Variants in GFRA1 observed in about 807,000 individuals in gnomAD.
The protein encoded by GFRA1 is GDNF family receptor alpha-1.
In GFRA1, 16 loss-of-function variants were observed where a neutral mutation model predicts 51.6. The ratio of observed to expected loss-of-function variants is 0.31; its 90% confidence interval spans 0.21 to 0.47. GFRA1 has a LOEUF of 0.47. Ranked by LOEUF, GFRA1 falls within the 20% of genes least tolerant of loss-of-function variation. The probability of loss-of-function intolerance (pLI) is 1.00; values close to 1 mark genes in which losing one functional copy is unlikely to be tolerated. For synonymous variants in GFRA1, 270 were observed against 241.3 expected (o/e 1.12, Z -1.10); for missense variants, 530 against 594.3 (o/e 0.89, Z 1.13).
chr10:116,091,422 G>A (rs185205494), intron 8 of GFRA1, among the ~76,000 whole-genome samples: 40 of 152,252 alleles, frequency 2.6e-4, no homozygotes, highest in Admixed American at 2.0e-3. Context: ...GCAAGGGAGC[G>A]CCAGAGGCAT....
chr10:116,172,550 T>C (rs1274988607), intron 5 of GFRA1, among the ~76,000 whole-genome samples: 2 of 152,168 alleles, frequency 1.3e-5, no homozygotes, highest in Admixed American at 6.5e-5. Context: ...CTTGAGTCCC[T>C]TCTTGAAGGA....
At chr10:116,181,638 G>GT (rs1311021406) in intron 5 of GFRA1, among the ~76,000 whole-genome samples, 16 of 149,992 alleles carry the variant, frequency 1.1e-4, no homozygotes, top group Non-Finnish European at 1.3e-4. Flanking sequence ...TTTTTTTGTT[G>GT]TTTTTTTGTT....
intron 4 of GFRA1, among the ~76,000 whole-genome samples, chr10:116,243,883 T>C (rs1207661131): frequency 6.6e-6 from 1 of 152,112 alleles, no homozygotes; most frequent in Non-Finnish European, 1.5e-5. Context: ...CTCTGCTCAC[T>C]GGCCTGGGGA....
At chr10:116,268,015 T>A (rs529814867) in intron 4 of GFRA1, among the ~76,000 whole-genome samples, 6 of 151,602 alleles carry the variant, frequency 4.0e-5, no homozygotes, top group African/African-American at 1.5e-4. Context: ...TGTAGAGAAA[T>A]GCTTCTCAAG....
Position 116,272,728 on chromosome 10 carries a change from C to A in GFRA1, c.-247+435G>T, listed in dbSNP as rs1411390193. 2 of 152,664 alleles carry A rather than the reference C, an allele frequency of 1.3e-5. No homozygotes were observed. The allele number at this position is 152,664 out of a possible 1,614,324, so 9.5% of individuals were successfully genotyped here. A position where few individuals can be genotyped will look rare whatever the true frequency, so the allele number is the denominator to read the frequency against. On this transcript the variant is annotated intron_variant, in intron 1 of 10. Transcript: ENST00000355422. The surrounding 1 kb of genome is among the most constrained non-coding windows in gnomAD (Gnocchi z 4.4). ...GAGCTCGCTCAGCCGCCGGCCCTCC[C>A]CACTCCGATCGCCAATCCCTAGCCC...
intron 5 of GFRA1, among the ~76,000 whole-genome samples, chr10:116,148,950 GT>G (rs1182680422): frequency 6.6e-6 from 1 of 152,114 alleles, no homozygotes; most frequent in Non-Finnish European, 1.5e-5. Context: ...AAAAGAAATT[GT>G]TTTAATAACA....
At chr10:116,199,718 T>C (rs1220973069) in intron 5 of GFRA1, among the ~76,000 whole-genome samples, 1 of 152,252 alleles carries the variant, frequency 6.6e-6, no homozygotes, top group Non-Finnish European at 1.5e-5. Flanking sequence ...GTTTCATTTT[T>C]TTTCCTTTTA....
At chr10:116,116,514 A>C (rs1329607932) in intron 6 of GFRA1, among the ~76,000 whole-genome samples, 1 of 152,198 alleles carries the variant, frequency 6.6e-6, no homozygotes, top group East Asian at 1.9e-4. Flanking sequence ...GGAGTTAAGG[A>C]ATCCAAATCA....
Position 116,195,492 on chromosome 10 carries a change from G to A in GFRA1, c.433+16139C>T, listed in dbSNP as rs1396630231. Among the ~76,000 whole-genome samples, 4 of 152,198 alleles carry A rather than the reference G, an allele frequency of 2.6e-5. No individual in the cohort carries two copies. In the East Asian group the frequency reaches 7.7e-4, roughly 29 times the overall value. Reference sequence around the variant, plus strand: ...TAATCAGACAATTCTCATAAGGAGTGTGCAACCTAGATTCCTCACATGTGC... The same window carrying A: ...TAATCAGACAATTCTCATAAGGAGTATGCAACCTAGATTCCTCACATGTGC... On this transcript the variant is annotated intron_variant, in intron 5 of 10. Transcript: ENST00000355422.
chr10:116,076,636 G>A (rs73363882), intron 9 of GFRA1, among the ~76,000 whole-genome samples: 2,964 of 152,232 alleles, frequency 0.019, 93 homozygotes, highest in African/African-American at 0.065. Flanking sequence ...CACCTCAGAG[G>A]GGAAACAGCC....
chr10:116,124,569 A>C (rs188597820), intron 6 of GFRA1, among the ~76,000 whole-genome samples: 1 of 152,104 alleles, frequency 6.6e-6, no homozygotes, highest in Non-Finnish European at 1.5e-5. Context: ...GTATTCATGG[A>C]CTCCTTCAGA....
rs1589808511 is a variant in GFRA1 at position 116,125,678 on chromosome 10, G to A, written c.434-121C>T. On this transcript the variant is annotated intron_variant, in intron 5 of 10. Transcript: ENST00000355422. ...TGCCAGCGGCTCTAGAACTTAATGA[G>A]TTTTGAAGCTAATAACTTAATGACT... 1.7e-5 allele frequency: 13 copies of A among 774,118 alleles called. No homozygotes were observed. The East Asian group carries it at 3.5e-4, about 21-fold the overall frequency. 48.0% of individuals were successfully genotyped at this position (774,118 alleles called of 1,614,324 possible). A position where few individuals can be genotyped will look rare whatever the true frequency, so the allele number is the denominator to read the frequency against.
At chr10:116,075,895 C>T (rs568224631) in intron 9 of GFRA1, among the ~76,000 whole-genome samples, 1 of 152,200 alleles carries the variant, frequency 6.6e-6, no homozygotes, top group South Asian at 2.1e-4. Context: ...CAGGTGCCCA[C>T]CACTGTGCCC....
In GFRA1 at chr10:116,110,384, GC is replaced by G. The variant is rs1957161172; in HGVS notation, c.771-13621del. Among the ~76,000 whole-genome samples the G allele has an allele frequency of 2.0e-5, 3 of 152,234 alleles. No individual in the cohort carries two copies. In the South Asian group the frequency reaches 6.2e-4, roughly 32 times the overall value. ...ACTGAGATGCAGAGAGAAGAAACAC[GC>G]CTGCAGGGCAGCTGGGGTTTAGTCT... On this transcript the variant is annotated intron_variant, in intron 6 of 10. Coordinates refer to ENST00000355422, the MANE Select transcript of GFRA1 (RefSeq NM_005264.8).
intron 9 of GFRA1, among the ~76,000 whole-genome samples, chr10:116,075,865 C>T (rs1955596901): frequency 6.6e-6 from 1 of 152,148 alleles, no homozygotes; most frequent in African/African-American, 2.4e-5. Flanking sequence ...CTGCCTCAGC[C>T]TCCCAAGTAG....
rs75315727 is a variant in GFRA1 at position 116,091,672 on chromosome 10, T to C, written c.1016-1750A>G. Reference sequence around the variant, plus strand: ...CATGAAAGGAGAATCTGGGAGAGGTTTGGCTTAATCTGAACGGAGCAGAAT... The same window carrying C: ...CATGAAAGGAGAATCTGGGAGAGGTCTGGCTTAATCTGAACGGAGCAGAAT... On this transcript the variant is annotated intron_variant, in intron 8 of 10. Coordinates refer to ENST00000355422, the MANE Select transcript of GFRA1 (RefSeq NM_005264.8). Among the ~76,000 whole-genome samples the C allele has an allele frequency of 5.3e-4, 81 of 152,324 alleles. No individual in the cohort carries two copies. The East Asian group carries it at 0.011, about 21-fold the overall frequency.
chr10:116,237,235 T>C (rs1305849837), intron 4 of GFRA1, among the ~76,000 whole-genome samples: 1 of 152,158 alleles, frequency 6.6e-6, no homozygotes, highest in African/African-American at 2.4e-5. Flanking sequence ...ATCTTGAAGG[T>C]CTTTACATAG....
At chr10:116,089,425 C>T (rs1956235257) in intron 9 of GFRA1, among the ~76,000 whole-genome samples, 1 of 152,112 alleles carries the variant, frequency 6.6e-6, no homozygotes, top group Non-Finnish European at 1.5e-5. Flanking sequence ...GTAACCAAGC[C>T]AACTTGACAA....
At position 116,122,516 on chromosome 10, in the gene GFRA1, C is replaced by T. The variant is rs574770699; in HGVS notation, c.770+2705G>A. Among the ~76,000 whole-genome samples, 53 of 152,286 alleles carry T rather than the reference C, an allele frequency of 3.5e-4. No individual in the cohort carries two copies. The South Asian group carries it at 5.0e-3, about 14-fold the overall frequency. On this transcript the variant is annotated intron_variant, in intron 6 of 10. Coordinates refer to ENST00000355422, the MANE Select transcript of GFRA1 (RefSeq NM_005264.8). ...TATCTGCAGGTTCCTCCCATCGCCTCCCCCAGAGCCCTCTAAGTTCTCAAC... is the reference window on the plus strand; with the variant it reads ...TATCTGCAGGTTCCTCCCATCGCCTTCCCCAGAGCCCTCTAAGTTCTCAAC...
Sources: gnomAD v4.1 joint callset for allele counts (sites outside exome capture counted in the v4.1 genomes callset) on GRCh38, gnomAD v4.1.1 for gene constraint, Gnocchi (gnomAD v3.1) non-coding constraint, MANE v1.5 for transcripts, NCBI Gene and HGNC (gene_info 2026-07-23, HGNC 2026-07-21) for gene names.